Variants in PEX7 observed in about 807,000 individuals in gnomAD.
PEX7 encodes PTS2 receptor.
PEX7 carries 34 observed loss-of-function variants against 47.5 expected under a neutral mutation model. That is an observed-to-expected ratio of 0.72 (90% CI 0.54 to 0.95). The LOEUF (loss-of-function observed/expected upper bound fraction) is 0.95, where lower values mean the gene tolerates loss of function less well. Ranked by LOEUF, PEX7 falls within the 40% of genes least tolerant of loss-of-function variation. The pLI is 0.00. For missense variants in PEX7, 394 were observed against 400.3 expected, an observed-to-expected ratio of 0.98 and a Z score of 0.13; for synonymous variants, 141 against 148.8, an observed-to-expected ratio of 0.95 and a Z score of 0.38.
At chr6:136,896,974 T>C (rs536728194) in intron 8 of PEX7, among the ~76,000 whole-genome samples, 42 of 152,344 alleles carry the variant, frequency 2.8e-4, no homozygotes, top group African/African-American at 9.9e-4. Context: ...TTTCTGAGAA[T>C]GCATACAGCT....
chr6:136,876,410 T>C (rs187610852), intron 8 of PEX7, among the ~76,000 whole-genome samples: 29 of 152,320 alleles, frequency 1.9e-4, no homozygotes, highest in Non-Finnish European at 1.5e-5. Flanking sequence ...AACATAGGTA[T>C]ATACGTGCTA....
intron 6 of PEX7, among the ~76,000 whole-genome samples, chr6:136,869,164 A>C (rs1033362297): frequency 6.6e-6 from 1 of 152,124 alleles, no homozygotes; most frequent in Non-Finnish European, 1.5e-5. Context: ...GGCTCAAGTG[A>C]TCCACCGGCC....
At position 136,872,222 on chromosome 6, in the gene PEX7, C is replaced by G. The variant is rs1169337553; in HGVS notation, c.772C>G (p.Leu258Val). The change falls in exon 8 of 10, where the codon CTG becomes GTG. Residue 258 changes from leucine to valine, a missense_variant. Coordinates refer to ENST00000318471, the MANE Select transcript of PEX7 (RefSeq NM_000288.4). The stretch of plus-strand genomic sequence containing the variant: ...GTTTTCACCATTTCATGCTTCTGTG[C>G]TGGCCTCTTGCTCGTATGATTTTAC... ...VKFSPFHASV[L>V]ASCSYDFTVR... 1.2e-6 allele frequency: 2 copies of G among 1,604,828 alleles called. No homozygotes were observed. The highest frequency in any genetic ancestry group is 1.7e-6 in the Non-Finnish European group (2 of 1,177,586).
intron 3 of PEX7, among the ~76,000 whole-genome samples, chr6:136,840,310 C>CT (rs996637085): frequency 2.0e-5 from 3 of 152,002 alleles, no homozygotes; most frequent in Non-Finnish European, 4.4e-5. Flanking sequence ...CTTCTCTCTG[C>CT]TTTTTTTTCT....
intron 5 of PEX7, among the ~76,000 whole-genome samples, chr6:136,847,706 C>A (rs577405789): frequency 5.3e-5 from 8 of 152,228 alleles, no homozygotes; most frequent in African/African-American, 1.7e-4. Context: ...TGGTCTAGAT[C>A]TCTGTTTTGG....
intron 8 of PEX7, among the ~76,000 whole-genome samples, chr6:136,873,242 T>G (rs558446124): frequency 1.1e-3 from 164 of 152,302 alleles, no homozygotes; most frequent in African/African-American, 3.8e-3. Flanking sequence ...TCATTCTGCA[T>G]AATACACCAT....
rs143939067 is a variant in PEX7, at chr6:136,833,388, G to A, written c.339+6919G>A. Among the ~76,000 whole-genome samples the A allele has an allele frequency of 4.6e-3, 698 of 152,290 alleles. 8 individuals are homozygous for A. Among genetic ancestry groups the A allele is most frequent in the African/African-American group, 0.016 (668 of 41,556 alleles). ...GGGATTACAATTCAAGATGAGATCC[G>A]TATCAGGTGCCAATAAAAAATATTA... On this transcript the variant is annotated intron_variant, in intron 3 of 9. Coordinates refer to ENST00000318471, the MANE Select transcript of PEX7 (RefSeq NM_000288.4).
intron 1 of PEX7, 81 bp from the exon 2 acceptor site, chr6:136,825,133 A>T: frequency 8.9e-7 from 1 of 1,122,608 alleles, no homozygotes; most frequent in Non-Finnish European, 1.4e-6. Flanking sequence ...AAAATCAGGT[A>T]TCAATTACTT....
Position 136,866,740 on chromosome 6 carries a change from T to C in PEX7, c.633+7T>C, listed in dbSNP as rs1189483255. 1 of 1,598,090 alleles carries C rather than the reference T, an allele frequency of 6.3e-7. No individual in the cohort carries two copies. Among genetic ancestry groups the C allele is most frequent in the Non-Finnish European group, 8.6e-7 (1 of 1,165,470 alleles). ...CTGGTGTAAATACAATGAGGTATAG[T>C]GTATGGCTCTATCCTATGCTGCTGT... is the stretch of plus-strand genomic sequence containing the variant. On this transcript the variant is annotated splice_region_variant and intron_variant, in intron 6 of 9. Transcript: ENST00000318471.
chr6:136,878,899 G>A (rs1470765709), intron 8 of PEX7, among the ~76,000 whole-genome samples: 1 of 151,448 alleles, frequency 6.6e-6, no homozygotes, highest in African/African-American at 2.4e-5. Flanking sequence ...TGACATTTAG[G>A]TAAGTTTTTA....
intron 5 of PEX7, among the ~76,000 whole-genome samples, chr6:136,863,897 A>T (rs1775010622): frequency 6.6e-6 from 1 of 152,196 alleles, no homozygotes; most frequent in Non-Finnish European, 1.5e-5. Context: ...AATTAAAAGA[A>T]TTAAAATAAT....
chr6:136,830,431 A>T (rs1774273210), intron 3 of PEX7, among the ~76,000 whole-genome samples: 1 of 152,226 alleles, frequency 6.6e-6, no homozygotes, highest in African/African-American at 2.4e-5. Context: ...GGCTTTGAGG[A>T]GTGAAGGTCT....
At chr6:136,854,812 C>T (rs537850915) in intron 5 of PEX7, among the ~76,000 whole-genome samples, 1 of 152,304 alleles carries the variant, frequency 6.6e-6, no homozygotes, top group East Asian at 1.9e-4. Context: ...TGAGGCCAGG[C>T]ATGGTGGCTC....
intron 5 of PEX7, among the ~76,000 whole-genome samples, chr6:136,848,641 ATGGATTACATTTAT>A (rs1284954964): frequency 2.0e-5 from 3 of 151,964 alleles, no homozygotes; most frequent in Non-Finnish European, 2.9e-5. Flanking sequence ...TGTTTATATG[ATGGATTACATTTAT>A]TGATTTGTGT....
rs373193967 is a variant in PEX7 at position 136,855,013 on chromosome 6, G to A, written c.526+8832G>A. On this transcript the variant is annotated intron_variant, in intron 5 of 9. Coordinates refer to ENST00000318471, the MANE Select transcript of PEX7 (RefSeq NM_000288.4). ...TGAGGCAGGAGAATCACTTGAACAC[G>A]GGAAGTGGAGATTGCAGTGAGCCGA... 2.4e-4 allele frequency among the ~76,000 whole-genome samples: 37 copies of A among 151,988 alleles called. 4 individuals are homozygous for A. Among genetic ancestry groups the A allele is most frequent in the Admixed American group, 9.8e-4 (15 of 15,274 alleles).
chr6:136,838,946 C>T (rs1166014724), intron 3 of PEX7, among the ~76,000 whole-genome samples: 1 of 152,104 alleles, frequency 6.6e-6, no homozygotes, highest in Non-Finnish European at 1.5e-5. Context: ...CTTTGGAAGG[C>T]CTAGGCAGGG....
intron 3 of PEX7, among the ~76,000 whole-genome samples, chr6:136,827,573 G>C (rs1407787953): frequency 4.7e-5 from 7 of 149,434 alleles, no homozygotes; most frequent in Non-Finnish European, 3.0e-5. Context: ...TGTTGCCCAG[G>C]CTAGAGTGCA....
In PEX7 at chr6:136,826,325, C is replaced by G. The variant is rs2115131716; in HGVS notation, c.195C>G (p.Asp65Glu). Residue 65 changes from aspartate (D) to glutamate (E), a missense_variant, in exon 3 of 10, where the codon GAC becomes GAG. By Grantham distance (45) the Asp-to-Glu change is conservative. Coordinates refer to ENST00000318471, the MANE Select transcript of PEX7 (RefSeq NM_000288.4). ...TTGTTTTTTCCTAGTGTAGCTTTGACTGGAATGATGGTTTGTTTGATGTGA... is the reference window on the plus strand; with the variant it reads ...TTGTTTTTTCCTAGTGTAGCTTTGAGTGGAATGATGGTTTGTTTGATGTGA... Reference protein sequence around the residue: ...EAGLRLFRSFDWNDGLFDVTW... With the variant: ...EAGLRLFRSFEWNDGLFDVTW... 6.2e-6 allele frequency: 10 copies of G among 1,613,740 alleles called. No individual in the cohort carries two copies. The highest frequency in any genetic ancestry group is 1.7e-5 in the Admixed American group (1 of 59,976).
Position 136,870,021 on chromosome 6 carries a change from C to T in PEX7, c.747+18C>T, listed in dbSNP as rs781266336. On this transcript the variant is annotated intron_variant, in intron 7 of 9. Coordinates refer to ENST00000318471, the MANE Select transcript of PEX7 (RefSeq NM_000288.4). ...GGGTGAAAGTAAGTTTTCATCTTTTCTTTTATATGTAGAATAAAATTATAT... is the reference window on the plus strand; with the variant it reads ...GGGTGAAAGTAAGTTTTCATCTTTTTTTTTATATGTAGAATAAAATTATAT... The T allele has an allele frequency of 5.7e-6, 8 of 1,404,690 alleles. No homozygotes were observed. Among genetic ancestry groups the T allele is most frequent in the Non-Finnish European group, 3.0e-6 (3 of 991,250 alleles). The allele number at this position is 1,404,690 out of a possible 1,614,324, so 87.0% of individuals were successfully genotyped here. A position where few individuals can be genotyped will look rare whatever the true frequency, so the allele number is the denominator to read the frequency against.
Sources: allele counts gnomAD v4.1 joint callset (sites outside exome capture counted in the v4.1 genomes callset), GRCh38; gene constraint gnomAD v4.1.1; transcripts MANE v1.5; gene names NCBI Gene and HGNC (gene_info 2026-07-23, HGNC 2026-07-21).